MAPK11: variants seen among roughly 807,000 people sequenced by gnomAD.
The protein encoded by MAPK11 is MAP kinase 11.
MAPK11 carries 44 observed loss-of-function variants against 52.2 expected under a neutral mutation model. The ratio of observed to expected loss-of-function variants is 0.84; its 90% CI spans 0.66 to 1.08. MAPK11 has a LOEUF of 1.08. Ranked by LOEUF, MAPK11 falls within the 50% of genes least tolerant of loss-of-function variation. The pLI is 0.00. For missense variants in MAPK11, 436 were observed against 494.7 expected, an observed-to-expected ratio of 0.88 and a Z score of 1.13; for synonymous variants, 233 against 206.3, an observed-to-expected ratio of 1.13 and a Z score of -1.11.
rs1028098877 is a variant in MAPK11 at position 50,267,361 on chromosome 22, G to C, written c.417+10C>G. ...CTGCGAGAGGACCCGCGAAGCCCAG[G>C]GCGCCCCACCTTCAGCCCGCGCAGC... is the stretch of plus-strand genomic sequence containing the variant. On this transcript the variant is annotated intron_variant, in intron 4 of 11. Coordinates refer to ENST00000330651, the MANE Select transcript of MAPK11 (RefSeq NM_002751.7). The C allele has an allele frequency of 6.2e-7, 1 of 1,601,696 alleles. No homozygotes were observed. Among genetic ancestry groups the C allele is most frequent in the Admixed American group, 1.7e-5 (1 of 59,018 alleles).
Position 50,266,964 on chromosome 22 carries a change from TGA to T in MAPK11, c.578_579del (p.Ile193AsnfsTer22). 1 of 1,611,836 alleles carries T rather than the reference TGA, an allele frequency of 6.2e-7. No individual in the cohort carries two copies. The highest frequency in any genetic ancestry group is 8.5e-7 in the Non-Finnish European group (1 of 1,179,978). On this transcript the variant is annotated frameshift_variant, in exon 7 of 12. Coordinates refer to ENST00000330651, the MANE Select transcript of MAPK11 (RefSeq NM_002751.7). LOFTEE classifies it high-confidence loss of function. ...TGGTTGTAATGCATCCAGTTGAGCATGATCTCAGGTGCCCGGTACCAGCGCGT... is the reference window on the plus strand; with the variant it reads ...TGGTTGTAATGCATCCAGTTGAGCATTCTCAGGTGCCCGGTACCAGCGCGT... The part of the protein sequence containing the change: ...VATRWYRAPE[I>X]MLNWMHYNQT...
intron 1 of MAPK11, among the ~76,000 whole-genome samples, chr22:50,269,682 G>A (rs771694547): frequency 6.6e-6 from 1 of 152,224 alleles, no homozygotes; most frequent in Admixed American, 6.5e-5. Context: ...TGGTCTGAGG[G>A]GGAGTCTGAG....
intron 1 of MAPK11, among the ~76,000 whole-genome samples, chr22:50,268,492 G>A (rs180679923): frequency 2.6e-3 from 403 of 152,304 alleles, no homozygotes; most frequent in African/African-American, 9.2e-3. Flanking sequence ...ACAAAACCGG[G>A]ACAGAAGGTG....
chr22:50,265,205 C>T, intron 11 of MAPK11, 116 bp downstream of exon 11: 1 of 1,418,820 alleles, frequency 7.0e-7, no homozygotes, highest in Admixed American at 1.8e-5. Flanking sequence ...CTGTGCTGGA[C>T]ACCTGAACGC....
rs750754711 is a variant in MAPK11, at chr22:50,267,482, C to T, written c.306G>A (p.Val102=). The change falls in exon 4 of 12, where the codon GTG becomes GTA. Residue 102 remains valine (V), a splice_region_variant and synonymous_variant. Transcript: ENST00000330651. ...CGCCCATCAGGGTGGTCACCAAGTA[C>T]CTGGGGCGGGGTCAGGGGGTCAGGA... ...PATSIEDFSE[V]YLVTTLMGAD... The T allele has an allele frequency of 1.9e-6, 3 of 1,603,642 alleles. No individual in the cohort carries two copies. Among genetic ancestry groups the T allele is most frequent in the Admixed American group, 3.4e-5 (2 of 58,838 alleles).
At chr22:50,268,085 C>G in intron 1 of MAPK11, 136 bp from the exon 2 acceptor site, 1 of 1,067,244 alleles carries the variant, frequency 9.4e-7, no homozygotes, top group East Asian at 3.2e-5. Context: ...GCCCCGCCGC[C>G]CCAGCTCGGC....
At position 50,265,491 on chromosome 22, in the gene MAPK11, A is replaced by G. The variant is rs1445018685; in HGVS notation, c.845T>C (p.Ile282Thr). The G allele has an allele frequency of 2.5e-6, 4 of 1,612,948 alleles. No individual in the cohort carries two copies. The highest frequency in any genetic ancestry group is 2.5e-6 in the Non-Finnish European group (3 of 1,179,962). Residue 282 changes from isoleucine (I) to threonine (T), a missense_variant, in exon 11 of 12, where the codon ATA becomes ACA. Coordinates refer to ENST00000330651, the MANE Select transcript of MAPK11 (RefSeq NM_002751.7). ...SIFRGANPLA[I>T]DLLGRMLVLD... ...CACCAGCATCCTTCCAAGGAGGTCT[A>G]TGGCTGCAGGGAAGCCAGTGGTGGG...
At chr22:50,266,082 G>A in intron 9 of MAPK11, 144 bp downstream of exon 9, 1 of 660,512 alleles carries the variant, frequency 1.5e-6, no homozygotes, top group South Asian at 1.9e-5. Context: ...TTCCCCTGCA[G>A]GGATTGGGCA....
In MAPK11 at chr22:50,266,476, G is replaced by A. The variant is rs557528863; in HGVS notation, c.682+64C>T. ...GCAAGACCCGCCAGAAGGGGCCAGC[G>A]CTGGTCCCTACCCTACAGGAGGGGC... On this transcript the variant is annotated intron_variant, in intron 8 of 11. Coordinates refer to ENST00000330651, the MANE Select transcript of MAPK11 (RefSeq NM_002751.7). 1.9e-5 allele frequency: 28 copies of A among 1,464,430 alleles called. No homozygotes were observed. In the African/African-American group the frequency reaches 2.7e-4, roughly 14 times the overall value. 90.7% of individuals were successfully genotyped at this position (1,464,430 alleles called of 1,614,324 possible).
intron 1 of MAPK11, 101 bp from the exon 2 acceptor site, chr22:50,268,050 G>A (rs567256665): frequency 2.3e-6 from 3 of 1,290,064 alleles, no homozygotes; most frequent in South Asian, 3.3e-5. Context: ...CCGTGGGGAT[G>A]GGGCCGTGGG....
chr22:50,269,598 TC>T (rs1323967213), intron 1 of MAPK11, among the ~76,000 whole-genome samples: 2 of 152,050 alleles, frequency 1.3e-5, no homozygotes, highest in East Asian at 3.9e-4. Context: ...TTGACCCCCC[TC>T]CCCCACCCAG....
chr22:50,265,215 C>T, intron 11 of MAPK11, 106 bp downstream of exon 11: 1 of 1,476,368 alleles, frequency 6.8e-7, no homozygotes, highest in Non-Finnish European at 9.3e-7. Context: ...CACCTGAACG[C>T]CCTTCCACAC....
At chr22:50,269,390 C>T (rs147823957) in intron 1 of MAPK11, among the ~76,000 whole-genome samples, 3 of 152,318 alleles carry the variant, frequency 2.0e-5, no homozygotes, top group African/African-American at 7.2e-5. Context: ...TCTGCCTTTG[C>T]GCCCCACCAG....
chr22:50,267,881 A>G lies in MAPK11; in HGVS notation c.185T>C (p.Leu62Pro), dbSNP rs760970146. Reference protein sequence around the residue: ...VKKLSRPFQSLIHARRTYREL... With the variant: ...VKKLSRPFQSPIHARRTYREL... The stretch of plus-strand genomic sequence containing the variant: ...CCGGTACGTTCTGCGCGCGTGGATC[A>G]GCGACTGGAAGGGGCGCGACAGCTT... Residue 62 changes from leucine (L) to proline (P), a missense_variant, in exon 2 of 12, where the codon CTG (leucine) becomes CCG (proline). By Grantham distance (98) the Leu-to-Pro change is moderately conservative. Transcript: ENST00000330651. 1.9e-6 allele frequency: 3 copies of G among 1,589,392 alleles called. No individual in the cohort carries two copies. The highest frequency in any genetic ancestry group is 1.7e-6 in the Non-Finnish European group (2 of 1,170,532).
chr22:50,267,340 G>GA, intron 4 of MAPK11, 31 bp downstream of exon 4: 1 of 1,484,368 alleles, frequency 6.7e-7, no homozygotes, highest in Non-Finnish European at 9.2e-7. Flanking sequence ...GCCCCCCTGC[G>GA]AGAGGACCCG....
chr22:50,267,488 G>T lies in MAPK11; in HGVS notation c.306-6C>A. 6.2e-7 allele frequency: 1 copy of T among 1,600,252 alleles called. No individual in the cohort carries two copies. Among genetic ancestry groups the T allele is most frequent in the Non-Finnish European group, 8.5e-7 (1 of 1,173,876 alleles). On this transcript the variant is annotated splice_region_variant and splice_polypyrimidine_tract_variant and intron_variant, in intron 3 of 11. Transcript: ENST00000330651. ...TCAGGGTGGTCACCAAGTACCTGGG[G>T]CGGGGTCAGGGGGTCAGGACAGGGC...
Position 50,267,555 on chromosome 22 carries a change from G to A in MAPK11, c.305+14C>T. 1 of 1,542,394 alleles carries A rather than the reference G, an allele frequency of 6.5e-7. No individual in the cohort carries two copies. Among genetic ancestry groups the A allele is most frequent in the East Asian group, 2.4e-5 (1 of 41,104 alleles). On this transcript the variant is annotated intron_variant, in intron 3 of 11. Coordinates refer to ENST00000330651, the MANE Select transcript of MAPK11 (RefSeq NM_002751.7). ...GAACGCGCTCCCCGCTGCCTCGCCC[G>A]CCCCGCCGCTCACACTTCGCTGAAG...
At chr22:50,268,723 C>T (rs918245250) in intron 1 of MAPK11, among the ~76,000 whole-genome samples, 2 of 152,202 alleles carry the variant, frequency 1.3e-5, no homozygotes, top group African/African-American at 2.4e-5. Flanking sequence ...TTCTTCTCTC[C>T]CTCCCACTTC....
At chr22:50,266,067 C>T (rs1459366555) in intron 9 of MAPK11, among the ~76,000 whole-genome samples, 159 bp downstream of exon 9, 2 of 152,144 alleles carry the variant, frequency 1.3e-5, no homozygotes, top group African/African-American at 4.8e-5. Flanking sequence ...TCCCCCTTCT[C>T]CTGTTTCCCC....
Sources: allele counts gnomAD v4.1 joint callset (sites outside exome capture counted in the v4.1 genomes callset), GRCh38; gene constraint gnomAD v4.1.1; transcripts MANE v1.5; gene names NCBI Gene and HGNC (gene_info 2026-07-23, HGNC 2026-07-21).